The following TLK1 variants were observed in gnomAD, a reference collection of about 807,000 sequenced individuals.
The protein encoded by TLK1 is serine/threonine-protein kinase tousled-like 1.
In TLK1, 24 loss-of-function variants were observed where a neutral mutation model predicts 105.3. The observed-to-expected ratio is 0.23, with a 90% confidence interval of 0.17 to 0.32. The LOEUF is 0.32. Among genes scored for constraint, TLK1 ranks in the 10% least tolerant of loss-of-function variants. The pLI, the probability that TLK1 is intolerant of heterozygous loss-of-function variation, is 1.00. For synonymous variants in TLK1, 321 were observed against 310.4 expected (o/e 1.03, Z -0.36); for missense variants, 558 against 910.5 (o/e 0.61, Z 4.98).
chr2:171,042,422 T>A (rs936397237), intron 11 of TLK1, among the ~76,000 whole-genome samples: 5 of 151,950 alleles, frequency 3.3e-5, no homozygotes, highest in African/African-American at 4.8e-5. Context: ...TTTTTTTTTT[T>A]ATTTTTGTAA....
intron 1 of TLK1, among the ~76,000 whole-genome samples, chr2:171,120,028 C>T (rs1419853536): frequency 6.6e-6 from 1 of 152,032 alleles, no homozygotes; most frequent in East Asian, 1.9e-4. Flanking sequence ...CGGCAGATCA[C>T]TTGAGGTCAG....
intron 11 of TLK1, among the ~76,000 whole-genome samples, chr2:171,039,251 G>A (rs560609441): frequency 6.6e-6 from 1 of 151,972 alleles, no homozygotes; most frequent in African/African-American, 2.4e-5. Context: ...GTGTATAGAT[G>A]AGCTTTGTTT....
intron 2 of TLK1, among the ~76,000 whole-genome samples, chr2:171,107,834 G>A (rs1689994253): frequency 1.3e-5 from 2 of 152,090 alleles, no homozygotes; most frequent in Non-Finnish European, 2.9e-5. Flanking sequence ...CGACGTGGGC[G>A]AACTGCTTGA....
At chr2:171,166,936 T>C (rs970612927) in intron 1 of TLK1, among the ~76,000 whole-genome samples, 3 of 152,212 alleles carry the variant, frequency 2.0e-5, no homozygotes, top group African/African-American at 7.2e-5. Flanking sequence ...AAGAGCAAGT[T>C]ACAGAAGAAC....
intron 1 of TLK1, among the ~76,000 whole-genome samples, chr2:171,175,842 G>T (rs79203753): frequency 0.048 from 7,373 of 152,138 alleles, 472 homozygotes; most frequent in East Asian, 0.3. Flanking sequence ...AATCACCTGA[G>T]AAACTTTTTA....
chr2:171,090,510 T>C (rs1409839905), intron 2 of TLK1, among the ~76,000 whole-genome samples: 1 of 152,222 alleles, frequency 6.6e-6, no homozygotes, highest in Non-Finnish European at 1.5e-5. Context: ...TTGTGCATTA[T>C]TCTAAATGTA....
chr2:171,090,746 C>T (rs918630792), intron 2 of TLK1, among the ~76,000 whole-genome samples: 1 of 152,178 alleles, frequency 6.6e-6, no homozygotes, highest in African/African-American at 2.4e-5. Context: ...CATTCTCTAT[C>T]AATAAAAATA....
chr2:171,096,445 A>G (rs542615976), intron 2 of TLK1, among the ~76,000 whole-genome samples: 1 of 152,196 alleles, frequency 6.6e-6, no homozygotes, highest in South Asian at 2.1e-4. Flanking sequence ...TTACAATAGC[A>G]TAAAAAAAAT....
chr2:171,222,424 A>T (rs1371570540), intron 1 of TLK1, among the ~76,000 whole-genome samples: 1 of 152,026 alleles, frequency 6.6e-6, no homozygotes, highest in Non-Finnish European at 1.5e-5. Context: ...TGACATCCCC[A>T]GGCTCAAGCC....
intron 12 of TLK1, among the ~76,000 whole-genome samples, chr2:171,023,507 C>T (rs1230291534): frequency 1.3e-5 from 2 of 152,008 alleles, no homozygotes; most frequent in East Asian, 3.9e-4. Flanking sequence ...GTCACACTTT[C>T]TAAACACATT....
Position 171,221,537 on chromosome 2 carries a change from A to G in TLK1, c.-6+9608T>C, listed in dbSNP as rs552848850. The stretch of plus-strand genomic sequence containing the variant: ...AATTAAACATGGATTAATTTAAAGC[A>G]TTCTACAATATGGTCCGATCTATTT... On this transcript the variant is annotated intron_variant, in intron 1 of 20. Coordinates refer to the TLK1 transcript ENST00000521943. Among the ~76,000 whole-genome samples, 355 of 152,350 alleles carry G rather than the reference A, an allele frequency of 2.3e-3. 1 individual carries two copies. The highest frequency in any genetic ancestry group is 3.9e-3 in the South Asian group (19 of 4,830).
At chr2:171,197,930 T>G (rs1413080932) in intron 1 of TLK1, among the ~76,000 whole-genome samples, 1 of 152,216 alleles carries the variant, frequency 6.6e-6, no homozygotes, top group African/African-American at 2.4e-5. Context: ...TACCCTTATA[T>G]GATTCTTATA....
Position 171,151,937 on chromosome 2 carries a change from T to C in TLK1, c.139+8353A>G, listed in dbSNP as rs374524316. 7.2e-5 allele frequency among the ~76,000 whole-genome samples: 11 copies of C among 152,060 alleles called. No individual in the cohort carries two copies. In the East Asian group the frequency reaches 2.1e-3, roughly 29 times the overall value. On this transcript the variant is annotated intron_variant, in intron 1 of 20. Coordinates refer to ENST00000431350, the MANE Select transcript of TLK1 (RefSeq NM_012290.5). The stretch of plus-strand genomic sequence containing the variant: ...TTTTTTATGAGGCAAATATACAGTA[T>C]CAAAAAAGGAAAAAAGTAAAACATG...
At chr2:171,163,690 C>T (rs1337536200), upstream of TLK1, among the ~76,000 whole-genome samples, 2 of 152,080 alleles carry the variant, frequency 1.3e-5, no homozygotes, top group Non-Finnish European at 2.9e-5. Context: ...ATCTTTCTCC[C>T]AACCTTCTCC....
At chr2:171,035,579 T>C (rs568345905) in intron 11 of TLK1, among the ~76,000 whole-genome samples, 1 of 152,330 alleles carries the variant, frequency 6.6e-6, no homozygotes, top group East Asian at 1.9e-4. Context: ...TACTGTGATA[T>C]GCAAAATAAT....
At chr2:171,032,922 A>G (rs1686113567) in intron 11 of TLK1, among the ~76,000 whole-genome samples, 1 of 152,176 alleles carries the variant, frequency 6.6e-6, no homozygotes, top group Non-Finnish European at 1.5e-5. Context: ...AAGACAATAC[A>G]GGAGGCTGGG....
intron 2 of TLK1, among the ~76,000 whole-genome samples, chr2:171,094,281 GTTAACATCAAAATATGAAGAAAT>G (rs1462348815): frequency 6.6e-6 from 1 of 151,982 alleles, no homozygotes; most frequent in East Asian, 1.9e-4. Context: ...GAATCATCCC[GTTAACATCAAAATATGAAGAAAT>G]TAAAATCATG....
chr2:171,039,940 G>A (rs1686576857), intron 11 of TLK1, among the ~76,000 whole-genome samples: 1 of 152,028 alleles, frequency 6.6e-6, no homozygotes, highest in Non-Finnish European at 1.5e-5. Context: ...GAGAGGTGTA[G>A]AAATAAGTAA....
chr2:171,196,116 T>C lies in TLK1; in HGVS notation c.-6+35029A>G, dbSNP rs992481121. Among the ~76,000 whole-genome samples the C allele has an allele frequency of 6.6e-5, 9 of 135,712 alleles. No homozygotes were observed. In the Admixed American group the frequency reaches 7.0e-4, roughly 11 times the overall value. The allele number at this position is 135,712 out of a possible 152,430, so 89.0% of individuals were successfully genotyped here. On this transcript the variant is annotated intron_variant, in intron 1 of 20. Transcript: ENST00000521943. ...GGAAGGAAGGAAGGGAGGGACATTGTAGCTGGTTTTTTTTTTTTGAGATGG... is the reference window on the plus strand; with the variant it reads ...GGAAGGAAGGAAGGGAGGGACATTGCAGCTGGTTTTTTTTTTTTGAGATGG...
Sources: allele counts gnomAD v4.1 joint callset (sites outside exome capture counted in the v4.1 genomes callset), GRCh38; gene constraint gnomAD v4.1.1; transcripts MANE v1.5; gene names NCBI Gene and HGNC (gene_info 2026-07-23, HGNC 2026-07-21).